AADAT: variants seen among roughly 807,000 people sequenced by gnomAD.
AADAT encodes kynurenine/alpha-aminoadipate aminotransferase, mitochondrial.
AADAT carries 25 observed loss-of-function variants against 56.2 expected under a neutral mutation model. That is an observed-to-expected ratio of 0.44 (90% CI 0.32 to 0.62). AADAT has a LOEUF of 0.62. Among genes scored for constraint, AADAT ranks in the 20% least tolerant of loss-of-function variants. AADAT has a pLI of 0.04. For missense variants in AADAT, 387 were observed against 510.5 expected (o/e 0.76, Z 2.33); for synonymous variants, 173 against 164.7 (o/e 1.05, Z -0.39).
chr4:170,072,606 G>T (rs1338450018), intron 5 of AADAT, among the ~76,000 whole-genome samples: 3 of 152,140 alleles, frequency 2.0e-5, no homozygotes, highest in East Asian at 3.8e-4. Context: ...TACATAAAAA[G>T]AGACTTTCCA....
chr4:170,080,255 G>A (rs62344720), intron 3 of AADAT, among the ~76,000 whole-genome samples: 1 of 152,102 alleles, frequency 6.6e-6, no homozygotes, highest in African/African-American at 2.4e-5. Context: ...AAAAAACTCT[G>A]AACAGATGGT....
chr4:170,089,677 C>A lies in AADAT; in HGVS notation c.14G>T (p.Arg5Leu). Residue 5 changes from arginine to leucine, a missense_variant, in exon 1 of 13, where the codon CGG becomes CTG. Arg to Leu is a moderately radical substitution (Grantham distance 102). Coordinates refer to ENST00000337664, the MANE Select transcript of AADAT (RefSeq NM_016228.4). MNYA[R>L]FITAASAARN... ...GGCTGCGCTCGCTGCCGTGATGAAC[C>A]GTGCGTAATTCATGTCTTCTGACAG... 6.2e-7 allele frequency: 1 copy of A among 1,614,196 alleles called. No homozygotes were observed. Among genetic ancestry groups the A allele is most frequent in the Non-Finnish European group, 8.5e-7 (1 of 1,180,036 alleles).
chr4:170,076,206 A>G (rs1158859811), intron 4 of AADAT, among the ~76,000 whole-genome samples: 2 of 152,020 alleles, frequency 1.3e-5, no homozygotes, highest in African/African-American at 4.8e-5. Flanking sequence ...ATTTCCTTCC[A>G]CCAGCAGTGA....
rs1362627395 is a variant in AADAT at position 170,073,222 on chromosome 4, T to C, written c.568A>G (p.Thr190Ala). Residue 190 changes from threonine to alanine, a missense_variant, in exon 5 of 13, where the codon ACC (threonine) becomes GCC (alanine). Physicochemically the swap from Thr to Ala is moderately conservative, Grantham distance 58 (BLOSUM62 0). Transcript: ENST00000337664. ...PEDAKNPQKN[T>A]PKFLYTVPNG... ...GGAACAGTATAAAGAAATTTGGGGG[T>C]GTTTTTCTGGGGATTCTTTGCATCT... The C allele has an allele frequency of 6.2e-7, 1 of 1,613,972 alleles. No homozygotes were observed. Among genetic ancestry groups the C allele is most frequent in the South Asian group, 1.1e-5 (1 of 91,074 alleles).
chr4:170,076,760 A>C (rs1161762286), intron 4 of AADAT, among the ~76,000 whole-genome samples: 1 of 152,124 alleles, frequency 6.6e-6, no homozygotes, highest in Non-Finnish European at 1.5e-5. Flanking sequence ...GTCGTTGCTC[A>C]TATTTTTGGT....
chr4:170,069,318 T>C, intron 6 of AADAT, 88 bp from the exon 7 acceptor site: 1 of 1,009,450 alleles, frequency 9.9e-7, no homozygotes, highest in Non-Finnish European at 1.5e-6. Context: ...GAACAGGAGA[T>C]GGATTTGGAT....
chr4:170,081,576 A>G (rs765801355), intron 3 of AADAT, among the ~76,000 whole-genome samples: 1 of 152,232 alleles, frequency 6.6e-6, no homozygotes, highest in Non-Finnish European at 1.5e-5. Context: ...AGAAGAAAAT[A>G]ATACATACAT....
intron 10 of AADAT, among the ~76,000 whole-genome samples, chr4:170,065,848 A>C (rs1731434359): frequency 6.6e-6 from 1 of 152,204 alleles, no homozygotes; most frequent in Non-Finnish European, 1.5e-5. Context: ...GATAGGACAG[A>C]AATAAGGAAT....
At chr4:170,073,471 C>G (rs1731872995) in intron 4 of AADAT, 126 bp from the exon 5 acceptor site, 1 of 767,010 alleles carries the variant, frequency 1.3e-6, no homozygotes, top group South Asian at 1.9e-5. Context: ...AACCCGCAAC[C>G]AGCTCTGAGC....
intron 3 of AADAT, among the ~76,000 whole-genome samples, chr4:170,084,676 T>C (rs560300744): frequency 6.6e-6 from 1 of 152,328 alleles, no homozygotes; most frequent in East Asian, 1.9e-4. Flanking sequence ...TCAATTGAGA[T>C]AGAAGATTTG....
chr4:170,070,291 G>A (rs909007387), intron 6 of AADAT, among the ~76,000 whole-genome samples: 4 of 151,810 alleles, frequency 2.6e-5, no homozygotes, highest in African/African-American at 2.4e-5. Flanking sequence ...AGTTTAAGAC[G>A]TCCATCAGCC....
At position 170,062,023 on chromosome 4, in the gene AADAT, T is replaced by C. The variant is rs781727621; in HGVS notation, c.1135-30A>G. ...GAGAGTTTGTGGAAGATAAGTAATG[T>C]ACCACTAAAGAAAAACTCAAAGATA... is the stretch of plus-strand genomic sequence containing the variant. On this transcript the variant is annotated intron_variant, in intron 11 of 12. Transcript: ENST00000337664. 1.1e-5 allele frequency: 17 copies of C among 1,488,978 alleles called. No individual in the cohort carries two copies. The South Asian group carries it at 1.5e-4, about 13-fold the overall frequency. 92.2% of individuals were successfully genotyped at this position (1,488,978 alleles called of 1,614,324 possible). A position where few individuals can be genotyped will look rare whatever the true frequency, so the allele number is the denominator to read the frequency against.
chr4:170,067,400 A>G lies in AADAT; in HGVS notation c.901-12T>C, dbSNP rs1461688470. On this transcript the variant is annotated splice_polypyrimidine_tract_variant and intron_variant, in intron 8 of 12. Coordinates refer to ENST00000337664, the MANE Select transcript of AADAT (RefSeq NM_016228.4). ...TGTGATATCATGAGCTAAAAGAGAT[A>G]AAATCATAAATACCATGTTTCATCC... 6.2e-7 allele frequency: 1 copy of G among 1,609,326 alleles called. No individual in the cohort carries two copies.
rs1409783347 is a variant in AADAT at position 170,060,695 on chromosome 4, A to G, written c.*233T>C. On this transcript the variant is annotated 3_prime_UTR_variant, in exon 13 of 13. Transcript: ENST00000337664. Reference sequence around the variant, plus strand: ...TCATTTCTTCCTGCCAAAACAAGAAATTTATTGGAAAAATCCATGAGCAGC... The same window carrying G: ...TCATTTCTTCCTGCCAAAACAAGAAGTTTATTGGAAAAATCCATGAGCAGC... 2 of 366,458 alleles carry G rather than the reference A, an allele frequency of 5.5e-6. No homozygotes were observed. Among genetic ancestry groups the G allele is most frequent in the Admixed American group, 4.6e-5 (1 of 21,600 alleles). 22.7% of individuals were successfully genotyped at this position (366,458 alleles called of 1,614,324 possible).
upstream of AADAT, among the ~76,000 whole-genome samples, chr4:170,092,042 C>G (rs773947164): frequency 9.8e-5 from 15 of 152,324 alleles, no homozygotes; most frequent in South Asian, 1.9e-3. Flanking sequence ...AATCAGCACC[C>G]TGTCAAAATG....
In AADAT at chr4:170,061,920, GAGAAGGATGCTCTCAAGTA is replaced by G; in HGVS notation, c.1189_1207del (p.Tyr397LeufsTer15). On this transcript the variant is annotated frameshift_variant, in exon 12 of 13. Transcript: ENST00000337664. LOFTEE classifies it high-confidence loss of function. ...ATCCATCTGTTCTGGAGAAGCTGAA[GAGAAGGATGCTCTCAAGTA>G]AGGGCTAGGAGCTGAGCTATCGACG... 1 of 1,613,190 alleles carries G rather than the reference GAGAAGGATGCTCTCAAGTA, an allele frequency of 6.2e-7. No homozygotes were observed. The highest frequency in any genetic ancestry group is 8.5e-7 in the Non-Finnish European group (1 of 1,179,410).
At chr4:170,088,626 A>C (rs747869765) in intron 1 of AADAT, 62 bp from the exon 2 acceptor site, 1 of 1,504,682 alleles carries the variant, frequency 6.6e-7, no homozygotes, top group South Asian at 1.2e-5. Flanking sequence ...CGGATAGTTA[A>C]GCATGCATTA....
chr4:170,070,656 A>G lies in AADAT; in HGVS notation c.655-4T>C. 6.5e-7 allele frequency: 1 copy of G among 1,529,034 alleles called. No homozygotes were observed. Among genetic ancestry groups the G allele is most frequent in the Non-Finnish European group, 9.0e-7 (1 of 1,116,898 alleles). 94.7% of individuals were successfully genotyped at this position (1,529,034 alleles called of 1,614,324 possible). A position where few individuals can be genotyped will look rare whatever the true frequency, so the allele number is the denominator to read the frequency against. On this transcript the variant is annotated splice_region_variant and splice_polypyrimidine_tract_variant and intron_variant, in intron 5 of 12. Coordinates refer to ENST00000337664, the MANE Select transcript of AADAT (RefSeq NM_016228.4). Reference sequence around the variant, plus strand: ...GGAAATCATATTTTCTTGCAAGCTAAAAAAGGTTGAAGTAATTGTTTATTT... The same window carrying G: ...GGAAATCATATTTTCTTGCAAGCTAGAAAAGGTTGAAGTAATTGTTTATTT...
rs1732736628 is a variant in AADAT, at chr4:170,089,613, C to G, written c.67+11G>C. 1 of 1,614,014 alleles carries G rather than the reference C, an allele frequency of 6.2e-7. No homozygotes were observed. The highest frequency in any genetic ancestry group is 8.5e-7 in the Non-Finnish European group (1 of 1,180,004). On this transcript the variant is annotated intron_variant, in intron 1 of 12. Transcript: ENST00000337664. ...CCACCCCAAAGGAGAGATGGTCACCCCGTTTCTCACTCATGGTCCGGATGG... is the reference window on the plus strand; with the variant it reads ...CCACCCCAAAGGAGAGATGGTCACCGCGTTTCTCACTCATGGTCCGGATGG...
Sources: gnomAD v4.1 joint callset for allele counts (sites outside exome capture counted in the v4.1 genomes callset) on GRCh38, gnomAD v4.1.1 for gene constraint, MANE v1.5 for transcripts, NCBI Gene and HGNC (gene_info 2026-07-23, HGNC 2026-07-21) for gene names.